SLC10A6: variants seen among roughly 807,000 people sequenced by gnomAD.
The protein encoded by SLC10A6 is sodium-dependent organic anion transporter.
A neutral mutation model predicts 30.0 loss-of-function variants in SLC10A6; 27 were observed. That is an observed-to-expected ratio of 0.90 (90% CI 0.66 to 1.24). The LOEUF is 1.24. Ranked by LOEUF, SLC10A6 falls within the 50% of genes most tolerant of loss-of-function variation. SLC10A6 has a pLI of 0.00. For synonymous variants in SLC10A6, 166 were observed against 173.8 expected (o/e 0.95, Z 0.36); for missense variants, 439 against 457.0 (o/e 0.96, Z 0.36).
At position 86,831,847 on chromosome 4, in the gene SLC10A6, G is replaced by A. The variant is rs767435702; in HGVS notation, c.530C>T (p.Ala177Val). The change falls in exon 3 of 6, where the codon GCC becomes GTC. Residue 177 changes from alanine to valine, a missense_variant. Coordinates refer to ENST00000273905, the MANE Select transcript of SLC10A6 (RefSeq NM_197965.3). ...ITLVCLTIPV[A>V]FGVYVNYRWP... ...TCTGTAATTCACATAGACACCAAAG[G>A]CCACAGGAATGGTCAGGCACACAAG... is the stretch of plus-strand genomic sequence containing the variant. The A allele has an allele frequency of 1.2e-6, 2 of 1,613,410 alleles. No individual in the cohort carries two copies. Among genetic ancestry groups the A allele is most frequent in the South Asian group, 1.1e-5 (1 of 91,006 alleles).
At chr4:86,842,370 T>G (rs867955699) in intron 1 of SLC10A6, among the ~76,000 whole-genome samples, 1 of 152,136 alleles carries the variant, frequency 6.6e-6, no homozygotes, top group Non-Finnish European at 1.5e-5. Flanking sequence ...ATGGACCTCT[T>G]GTATATATCA....
intron 2 of SLC10A6, among the ~76,000 whole-genome samples, 160 bp downstream of exon 2, chr4:86,833,146 G>T (rs571256625): frequency 3.9e-5 from 6 of 152,270 alleles, no homozygotes; most frequent in African/African-American, 1.4e-4. Context: ...AGACCTAGGA[G>T]ACTGAACTGG....
At chr4:86,843,689 T>G (rs1746345251) in intron 1 of SLC10A6, among the ~76,000 whole-genome samples, 1 of 152,092 alleles carries the variant, frequency 6.6e-6, no homozygotes, top group Non-Finnish European at 1.5e-5. Flanking sequence ...TATACAGGGT[T>G]AGGGTTAGGC....
intron 1 of SLC10A6, chr4:86,837,797 G>T: frequency 9.2e-6 from 2 of 217,398 alleles, no homozygotes; most frequent in Non-Finnish European, 1.6e-5. Flanking sequence ...ATCTGTTTAA[G>T]CATGTACAAA....
chr4:86,829,380 C>A (rs1746043854), intron 3 of SLC10A6, among the ~76,000 whole-genome samples: 1 of 152,060 alleles, frequency 6.6e-6, no homozygotes, highest in South Asian at 2.1e-4. Context: ...CACTGCACTC[C>A]AGCCTGGGTG....
At chr4:86,848,381 C>G (rs968629717) in intron 1 of SLC10A6, among the ~76,000 whole-genome samples, 1 of 152,130 alleles carries the variant, frequency 6.6e-6, no homozygotes, top group Non-Finnish European at 1.5e-5. Context: ...AAACCACAAT[C>G]GTTAGCTTCT....
intron 2 of SLC10A6, among the ~76,000 whole-genome samples, chr4:86,832,435 T>C (rs951420430): frequency 1.6e-4 from 25 of 151,992 alleles, no homozygotes; most frequent in African/African-American, 5.8e-4. Context: ...TGAAACCCTG[T>C]CTCTCCTAAA....
Position 86,827,634 on chromosome 4 carries a change from G to A in SLC10A6, c.761+359C>T, listed in dbSNP as rs1319789296. Among the ~76,000 whole-genome samples the A allele has an allele frequency of 2.6e-5, 4 of 151,946 alleles. No individual in the cohort carries two copies. The South Asian group carries it at 8.3e-4, about 32-fold the overall frequency. ...AAGAACTAAAATTATCCTTAATTTC[G>A]CTACTCAAAATTAAACATTGTTACC... On this transcript the variant is annotated intron_variant, in intron 4 of 5. Transcript: ENST00000273905.
intron 1 of SLC10A6, among the ~76,000 whole-genome samples, chr4:86,840,145 C>T (rs1464628069): frequency 2.6e-5 from 4 of 151,758 alleles, no homozygotes; most frequent in African/African-American, 7.3e-5. Context: ...TCTCGAACTC[C>T]GGACCTCAGG....
chr4:86,831,719 A>G, intron 3 of SLC10A6, 73 bp downstream of exon 3: 1 of 1,243,918 alleles, frequency 8.0e-7, no homozygotes, highest in South Asian at 1.3e-5. Flanking sequence ...CACTTGTCCC[A>G]GCCACTGCTC....
At chr4:86,829,064 G>C (rs1015804416) in intron 3 of SLC10A6, among the ~76,000 whole-genome samples, 1 of 152,108 alleles carries the variant, frequency 6.6e-6, no homozygotes, top group Admixed American at 6.6e-5. Flanking sequence ...CATTTTTACT[G>C]TTCAAATACA....
rs1453119723 is a variant in SLC10A6 at position 86,824,008 on chromosome 4, T to C, written c.920-106A>G. The stretch of plus-strand genomic sequence containing the variant: ...TCAGGTGTTTGTTTCAGTGGCATCA[T>C]GTATGTATAAACACCCAGGGAAAAG... On this transcript the variant is annotated intron_variant, in intron 5 of 5. Coordinates refer to ENST00000273905, the MANE Select transcript of SLC10A6 (RefSeq NM_197965.3). 2.6e-5 allele frequency: 26 copies of C among 999,876 alleles called. No homozygotes were observed. In the African/African-American group the frequency reaches 3.6e-4, roughly 14 times the overall value. 61.9% of individuals were successfully genotyped at this position (999,876 alleles called of 1,614,324 possible).
chr4:86,833,453 G>C, intron 1 of SLC10A6, 29 bp from the exon 2 acceptor site: 2 of 1,522,048 alleles, frequency 1.3e-6, no homozygotes, highest in Non-Finnish European at 1.8e-6. Context: ...CAATGCTTAG[G>C]AGGGAGCATT....
intron 4 of SLC10A6, 52 bp downstream of exon 4, chr4:86,827,941 A>G: frequency 6.5e-7 from 1 of 1,538,172 alleles, no homozygotes; most frequent in Non-Finnish European, 8.9e-7. Context: ...TACCAGTGGC[A>G]GTGTGTTAAA....
intron 1 of SLC10A6, among the ~76,000 whole-genome samples, chr4:86,845,930 A>G (rs1418491708): frequency 6.6e-6 from 1 of 152,212 alleles, no homozygotes; most frequent in Non-Finnish European, 1.5e-5. Flanking sequence ...GGGTGAACAC[A>G]TGGAGAACTG....
chr4:86,833,487 C>T (rs1296539911), intron 1 of SLC10A6, 63 bp from the exon 2 acceptor site: 2 of 1,210,936 alleles, frequency 1.7e-6, no homozygotes, highest in South Asian at 2.5e-5. Context: ...TTAGTCTTTA[C>T]CAAAAGCAAC....
intron 1 of SLC10A6, among the ~76,000 whole-genome samples, chr4:86,842,874 C>CTTTCTTT (rs1560461934): frequency 7.0e-5 from 3 of 42,786 alleles, no homozygotes; most frequent in Non-Finnish European, 1.2e-4. Context: ...TTCTTTCTTT[C>CTTTCTTT]TTTTTTTTTT....
chr4:86,839,173 T>G (rs191017135), intron 1 of SLC10A6, among the ~76,000 whole-genome samples: 1 of 151,124 alleles, frequency 6.6e-6, no homozygotes, highest in South Asian at 2.1e-4. Flanking sequence ...CAGTGCCTCA[T>G]GCCTGTAATT....
chr4:86,848,559 G>A (rs1746430585), intron 1 of SLC10A6, among the ~76,000 whole-genome samples, 180 bp downstream of exon 1: 1 of 152,204 alleles, frequency 6.6e-6, no homozygotes, highest in African/African-American at 2.4e-5. Flanking sequence ...CATCAGCAAA[G>A]TAACTTTTGA....
Sources: gnomAD v4.1 joint callset for allele counts (sites outside exome capture counted in the v4.1 genomes callset) on GRCh38, gnomAD v4.1.1 for gene constraint, MANE v1.5 for transcripts, NCBI Gene and HGNC (gene_info 2026-07-23, HGNC 2026-07-21) for gene names.